The following CAMTA2 variants were observed in gnomAD, a reference collection of about 807,000 sequenced individuals.
The protein encoded by CAMTA2 is calmodulin binding transcription activator 2, also known as calmodulin-binding transcription activator 2.
In CAMTA2, 56 loss-of-function variants were observed where a neutral mutation model predicts 135.7. That is an observed-to-expected ratio of 0.41 (90% CI 0.33 to 0.52). The LOEUF is 0.52. CAMTA2 is among the 20% of genes least tolerant of loss of function. CAMTA2 has a pLI of 0.16. For missense variants in CAMTA2, 1,358 were observed against 1,553.4 expected (o/e 0.87, Z 2.11); for synonymous variants, 591 against 604.6 (o/e 0.98, Z 0.33).
chr17:4,981,788 A>G lies in CAMTA2; in HGVS notation c.455T>C (p.Leu152Pro), dbSNP rs774624426. Residue 152 changes from leucine (L) to proline (P), a missense_variant, in exon 7 of 23, where the codon CTG (leucine) becomes CCG (proline). Around this residue, in one of 4 missense-constraint regions of CAMTA2, gnomAD observed 1,077 missense variants for 1,127.5 expected, o/e 0.96. Transcript: ENST00000348066. ...VLVHYLNVPA[L>P]EDCGKGCSPI... ...GCTGCAGCCCTTTCCACAGTCCTCCAGGGCTGGGACGTTCAGGTAGTGCAC... is the reference window on the plus strand; with the variant it reads ...GCTGCAGCCCTTTCCACAGTCCTCCGGGGCTGGGACGTTCAGGTAGTGCAC... 6.2e-7 allele frequency: 1 copy of G among 1,612,774 alleles called. No homozygotes were observed. Among genetic ancestry groups the G allele is most frequent in the East Asian group, 2.2e-5 (1 of 44,836 alleles).
At chr17:4,981,134 G>T in intron 8 of CAMTA2, 91 bp downstream of exon 8, 1 of 1,465,998 alleles carries the variant, frequency 6.8e-7, no homozygotes, top group Non-Finnish European at 9.3e-7. Context: ...AAATCAGCAT[G>T]CAAATCCCAT....
intron 7 of CAMTA2, 138 bp downstream of exon 7, chr17:4,981,540 A>G (rs1972960150): frequency 3.2e-6 from 4 of 1,268,696 alleles, no homozygotes; most frequent in Non-Finnish European, 4.4e-6. Flanking sequence ...ATACCTGAGA[A>G]CACACCGGGA....
Position 4,969,524 on chromosome 17 carries a change from G to A in CAMTA2, c.3262-4C>T, listed in dbSNP as rs1483706332. On this transcript the variant is annotated splice_polypyrimidine_tract_variant and splice_region_variant and intron_variant, in intron 19 of 22. Transcript: ENST00000348066. This position sits in a 1 kb window ranked among gnomAD's most constrained non-coding sequence, Gnocchi z 5.6. ...CCTTAAGTGCAATCCAGGTCAGCTTGTGGAGAGAGAAGGGGAGTTAGGGCT... is the reference window on the plus strand; with the variant it reads ...CCTTAAGTGCAATCCAGGTCAGCTTATGGAGAGAGAAGGGGAGTTAGGGCT... 6.2e-7 allele frequency: 1 copy of A among 1,614,202 alleles called. No individual in the cohort carries two copies. Among genetic ancestry groups the A allele is most frequent in the South Asian group, 1.1e-5 (1 of 91,088 alleles).
chr17:4,973,020 CGGA>C (rs752595328), intron 14 of CAMTA2, 29 bp from the exon 15 acceptor site: 10 of 1,595,070 alleles, frequency 6.3e-6, no homozygotes, highest in Middle Eastern at 1.7e-4. Flanking sequence ...CAGGCGGAGA[CGGA>C]GGTGGAGGTG....
chr17:4,972,696 A>G, intron 15 of CAMTA2, 73 bp downstream of exon 15: 2 of 1,498,816 alleles, frequency 1.3e-6, no homozygotes, highest in South Asian at 1.1e-5. Context: ...CTCGTTTCCC[A>G]CACCCTTTGG....
chr17:4,978,009 T>C (rs1464851277), intron 10 of CAMTA2, among the ~76,000 whole-genome samples: 1 of 152,214 alleles, frequency 6.6e-6, no homozygotes, highest in African/African-American at 2.4e-5. Context: ...ATTTTAAGTA[T>C]TCTTTAACTT....
In CAMTA2 at chr17:4,978,702, C is replaced by T. The variant is rs1567692930; in HGVS notation, c.1639-72G>A. 5.2e-6 allele frequency: 8 copies of T among 1,546,456 alleles called. No individual in the cohort carries two copies. The Admixed American group carries it at 5.2e-5, about 10-fold the overall frequency. On this transcript the variant is annotated intron_variant, in intron 9 of 22. Transcript: ENST00000348066. The stretch of plus-strand genomic sequence containing the variant: ...CCCCTCACTCATTCATTTATTCAGA[C>T]CCTTACAGGGTATCTACTATATGGC...
chr17:4,984,540 A>G (rs545179541), intron 3 of CAMTA2, among the ~76,000 whole-genome samples: 12 of 152,362 alleles, frequency 7.9e-5, no homozygotes, highest in Admixed American at 2.0e-4. Context: ...TAAACGCTCT[A>G]TAGCACTTAC....
At position 4,968,102 on chromosome 17, in the gene CAMTA2, G is replaced by A. The variant is rs944554485; in HGVS notation, c.*654C>T. On this transcript the variant is annotated 3_prime_UTR_variant, in exon 23 of 23. Coordinates refer to ENST00000348066, the MANE Select transcript of CAMTA2 (RefSeq NM_015099.4). ...CCCCCGCCGCGCTAGAGAACCACAAGCCCGGCCGTGCAGCCCTCCCCGCGG... is the reference window on the plus strand; with the variant it reads ...CCCCCGCCGCGCTAGAGAACCACAAACCCGGCCGTGCAGCCCTCCCCGCGG... 33 of 480,534 alleles carry A rather than the reference G, an allele frequency of 6.9e-5. No individual in the cohort carries two copies. The highest frequency in any genetic ancestry group is 5.4e-4 in the Admixed American group (14 of 26,150). 29.8% of individuals were successfully genotyped at this position (480,534 alleles called of 1,614,324 possible). A position where few individuals can be genotyped will look rare whatever the true frequency, so the allele number is the denominator to read the frequency against.
Position 4,969,835 on chromosome 17 carries a change from A to C in CAMTA2, c.3189+67T>G, listed in dbSNP as rs767937269. On this transcript the variant is annotated intron_variant, in intron 18 of 22. Coordinates refer to ENST00000348066, the MANE Select transcript of CAMTA2 (RefSeq NM_015099.4). The surrounding 1 kb of genome is among the most constrained non-coding windows in gnomAD (Gnocchi z 5.6). The stretch of plus-strand genomic sequence containing the variant: ...TCTGCACGACTACTCATCCTCCAAA[A>C]GCCCTGGGAGCCCAGTCTCCCCTGA... The C allele has an allele frequency of 6.3e-7, 1 of 1,596,900 alleles. No homozygotes were observed. Among genetic ancestry groups the C allele is most frequent in the Non-Finnish European group, 8.6e-7 (1 of 1,166,972 alleles).
chr17:4,970,241 C>T, intron 17 of CAMTA2, 99 bp downstream of exon 17: 1 of 1,459,010 alleles, frequency 6.9e-7, no homozygotes, highest in Non-Finnish European at 9.5e-7. Flanking sequence ...GGCCCTGGGG[C>T]CTCAGCCAGA....
Position 4,971,984 on chromosome 17 carries a change from C to T in CAMTA2, c.2808+248G>A, listed in dbSNP as rs1034623514. Among the ~76,000 whole-genome samples the T allele has an allele frequency of 3.3e-5, 5 of 152,290 alleles. No homozygotes were observed. In the South Asian group the frequency reaches 6.2e-4, roughly 19 times the overall value. On this transcript the variant is annotated intron_variant, in intron 16 of 22. Transcript: ENST00000348066. ...GATTACAGGCGTAAGCCACCAAGCC[C>T]GGCCAAATTTTTTTTTTCCAACATC...
chr17:4,980,614 C>A lies in CAMTA2; in HGVS notation c.708G>T (p.Gly236=). 6 of 1,613,588 alleles carry A rather than the reference C, an allele frequency of 3.7e-6. No individual in the cohort carries two copies. The highest frequency in any genetic ancestry group is 5.1e-6 in the Non-Finnish European group (6 of 1,179,740). The part of the protein sequence containing the change: ...ACLCSGGLGS[G]SLTHKCSSTK... Reference sequence around the variant, plus strand: ...TGCTGCTGCATTTGTGGGTAAGGCTCCCAGAACCTGGAGTGGAGAGGAGTA... The same window carrying A: ...TGCTGCTGCATTTGTGGGTAAGGCTACCAGAACCTGGAGTGGAGAGGAGTA... The change falls in exon 9 of 23, where the codon GGG becomes GGT. Residue 236 remains glycine, a synonymous_variant. Transcript: ENST00000348066. The surrounding 1 kb of genome is among the most constrained non-coding windows in gnomAD (Gnocchi z 5.3).
intron 11 of CAMTA2, among the ~76,000 whole-genome samples, chr17:4,976,169 C>A (rs1972604277): frequency 6.6e-6 from 1 of 152,006 alleles, no homozygotes; most frequent in Non-Finnish European, 1.5e-5. Flanking sequence ...CCACGCCTGG[C>A]TAATTTTTGT....
chr17:4,974,092 G>A (rs948582850), intron 12 of CAMTA2: 13 of 523,194 alleles, frequency 2.5e-5, no homozygotes, highest in Non-Finnish European at 4.1e-5. Flanking sequence ...AGAAACTTGG[G>A]ACCCACAGAG....
intron 9 of CAMTA2, 176 bp downstream of exon 9, chr17:4,979,508 C>CAAAAA (rs5819002): frequency 3.1e-4 from 63 of 206,036 alleles, no homozygotes; most frequent in Middle Eastern, 1.5e-3. Flanking sequence ...GAAACTGTCT[C>CAAAAA]AAAAAAAAAA....
Position 4,969,372 on chromosome 17 carries a change from T to G in CAMTA2, c.3283-35A>C, listed in dbSNP as rs763668142. 3.0e-5 allele frequency: 48 copies of G among 1,611,428 alleles called. No individual in the cohort carries two copies. Among genetic ancestry groups the G allele is most frequent in the Non-Finnish European group, 4.1e-5 (48 of 1,177,866 alleles). On this transcript the variant is annotated intron_variant, in intron 20 of 22. Coordinates refer to ENST00000348066, the MANE Select transcript of CAMTA2 (RefSeq NM_015099.4). The surrounding 1 kb of genome is among the most constrained non-coding windows in gnomAD (Gnocchi z 5.6). ...TGGGGAGGAGGGACAGGGGCTGAAA[T>G]AGAGGGACGGAGACCCAAAGCCCTG...
chr17:4,969,548 C>A lies in CAMTA2; in HGVS notation c.3262-28G>T, dbSNP rs776185564. On this transcript the variant is annotated intron_variant, in intron 19 of 22. Coordinates refer to ENST00000348066, the MANE Select transcript of CAMTA2 (RefSeq NM_015099.4). This position sits in a 1 kb window ranked among gnomAD's most constrained non-coding sequence, Gnocchi z 5.6. ...TGTGGAGAGAGAAGGGGAGTTAGGG[C>A]TCTGGCAACATTCTGGAATGGTTAG... 1 of 1,614,098 alleles carries A rather than the reference C, an allele frequency of 6.2e-7. No individual in the cohort carries two copies. Among genetic ancestry groups the A allele is most frequent in the South Asian group, 1.1e-5 (1 of 91,084 alleles).
At chr17:4,985,777 C>G in intron 3 of CAMTA2, 103 bp downstream of exon 3, 1 of 768,212 alleles carries the variant, frequency 1.3e-6, no homozygotes, top group Non-Finnish European at 2.4e-6. Flanking sequence ...TAGAATGGTG[C>G]TCTGCACTTA....
Sources: allele counts gnomAD v4.1 joint callset (sites outside exome capture counted in the v4.1 genomes callset), GRCh38; gene constraint gnomAD v4.1.1; regional missense constraint gnomAD v4.1.1; non-coding constraint Gnocchi (gnomAD v3.1); transcripts MANE v1.5; gene names NCBI Gene and HGNC (gene_info 2026-07-23, HGNC 2026-07-21).